LTBP4: variants seen among roughly 807,000 people sequenced by gnomAD.
The protein encoded by LTBP4 is latent transforming growth factor beta binding protein 4, also known as latent-transforming growth factor beta-binding protein 4.
In LTBP4, 93 loss-of-function variants were observed where a neutral mutation model predicts 180.2. That is an observed-to-expected ratio of 0.52 (90% CI 0.44 to 0.61). The LOEUF is 0.61. Ranked by LOEUF, LTBP4 falls within the 20% of genes least tolerant of loss-of-function variation. The pLI is 0.00. For missense variants in LTBP4, 2,116 were observed against 2,256.5 expected (o/e 0.94, Z 1.26); for synonymous variants, 947 against 934.5 (o/e 1.01, Z -0.24).
At chr19:40,600,032 C>T (rs1167618153), upstream of LTBP4, 1 of 1,150,606 alleles carries the variant, frequency 8.7e-7, no homozygotes, top group Middle Eastern at 2.2e-4. This position sits in a 1 kb window ranked among gnomAD's most constrained non-coding sequence, Gnocchi z 4.4. Context: ...TCAGTTTAAC[C>T]CGGTGACAGC....
At chr19:40,623,174 C>CTTT (rs11376199) in intron 24 of LTBP4, among the ~76,000 whole-genome samples, 153 bp downstream of exon 24, 4 of 138,366 alleles carry the variant, frequency 2.9e-5, no homozygotes, top group African/African-American at 5.5e-5. Flanking sequence ...TCTTTTCTTT[C>CTTT]TTTTTTTTTT....
At position 40,625,307 on chromosome 19, in the gene LTBP4, TATATATA is replaced by T. The variant is rs1568414614; in HGVS notation, c.3833-549_3833-543del. ...ATATATATATATATATATATATATA[TATATATA>T]TATTTTTTTTTTTAAAGATGGGTTT... On this transcript the variant is annotated intron_variant, in intron 26 of 29. Coordinates refer to ENST00000396819, the MANE Select transcript of LTBP4 (RefSeq NM_001042545.2). 6.1e-3 allele frequency among the ~76,000 whole-genome samples: 145 copies of T among 23,780 alleles called. 32 individuals carry two copies. The highest frequency in any genetic ancestry group is 7.5e-3 in the Non-Finnish European group (112 of 14,952). 15.6% of individuals were successfully genotyped at this position (23,780 alleles called of 152,430 possible). A position where few individuals can be genotyped will look rare whatever the true frequency, so the allele number is the denominator to read the frequency against.
In LTBP4 at chr19:40,605,700, G is replaced by A. The variant is rs1246968179; in HGVS notation, c.691-29G>A. 6.5e-7 allele frequency: 1 copy of A among 1,547,286 alleles called. No homozygotes were observed. The highest frequency in any genetic ancestry group is 1.4e-5 in the African/African-American group (1 of 73,006). On this transcript the variant is annotated intron_variant, in intron 3 of 29. Coordinates refer to ENST00000396819, the MANE Select transcript of LTBP4 (RefSeq NM_001042545.2). The surrounding 1 kb of genome is among the most constrained non-coding windows in gnomAD (Gnocchi z 5.5). ...GGGCCCGGAGCTTGCCTCCGCGCGG[G>A]GGCGCGCTCACCCAACACTTCCCCG...
Position 40,613,612 on chromosome 19 carries a change from G to T in LTBP4, c.2557+83G>T. 6.5e-7 allele frequency: 1 copy of T among 1,535,014 alleles called. No individual in the cohort carries two copies. The highest frequency in any genetic ancestry group is 8.7e-7 in the Non-Finnish European group (1 of 1,143,774). On this transcript the variant is annotated intron_variant, in intron 17 of 29. Coordinates refer to ENST00000396819, the MANE Select transcript of LTBP4 (RefSeq NM_001042545.2). The surrounding 1 kb of genome is among the most constrained non-coding windows in gnomAD (Gnocchi z 5.0). Reference sequence around the variant, plus strand: ...GGGACGGGGAGAAGAGGGCGAAAAGGGGAAAACGAGTTTTTAGCCGGGGTA... The same window carrying T: ...GGGACGGGGAGAAGAGGGCGAAAAGTGGAAAACGAGTTTTTAGCCGGGGTA...
chr19:40,604,685 T>G (rs549146485), intron 1 of LTBP4, among the ~76,000 whole-genome samples: 11 of 152,268 alleles, frequency 7.2e-5, no homozygotes, highest in Non-Finnish European at 1.0e-4. Context: ...CTCTACCAAA[T>G]TTTTAAAAAA....
chr19:40,601,353 G>A, upstream of LTBP4: 1 of 1,108,460 alleles, frequency 9.0e-7, no homozygotes, highest in African/African-American at 1.7e-5. Flanking sequence ...CGGGCGGGCT[G>A]GGGCGGCGGC....
At chr19:40,623,573 GC>G (rs773915820) in intron 24 of LTBP4, 30 bp from the exon 25 acceptor site, 22 of 1,599,630 alleles carry the variant, frequency 1.4e-5, no homozygotes, top group Non-Finnish European at 1.8e-5. Context: ...CATCCAGCCC[GC>G]CCCCATCTCT....
upstream of LTBP4, chr19:40,597,481 G>A (rs2081397500): frequency 7.8e-7 from 1 of 1,288,010 alleles, no homozygotes; most frequent in African/African-American, 1.6e-5. Flanking sequence ...CCACTGCTTC[G>A]ATGTGGAGAT....
Position 40,605,339 on chromosome 19 carries a change from C to T in LTBP4, c.443-66C>T. 2 of 1,595,532 alleles carry T rather than the reference C, an allele frequency of 1.3e-6. No individual in the cohort carries two copies. The highest frequency in any genetic ancestry group is 2.2e-5 in the East Asian group (1 of 44,490). On this transcript the variant is annotated intron_variant, in intron 2 of 29. Transcript: ENST00000396819. The surrounding 1 kb of genome is among the most constrained non-coding windows in gnomAD (Gnocchi z 5.5). ...ACCTTTGCCCAGCTCGCCCTCCCCG[C>T]CTTGTCTAGCCCCACCCCGTAAGAA...
upstream of LTBP4, among the ~76,000 whole-genome samples, chr19:40,596,749 A>G (rs1455880155): frequency 6.6e-6 from 1 of 151,978 alleles, no homozygotes; most frequent in Admixed American, 6.6e-5. Flanking sequence ...CTCTCGTGGA[A>G]AGGGGTACCC....
upstream of LTBP4, chr19:40,599,576 C>G: frequency 1.3e-6 from 2 of 1,595,910 alleles, no homozygotes; most frequent in Non-Finnish European, 8.5e-7. Flanking sequence ...CAGTCCCTCC[C>G]CTACCAAATC....
chr19:40,610,131 C>A (rs1423881892), intron 11 of LTBP4: 2 of 525,548 alleles, frequency 3.8e-6, no homozygotes, highest in African/African-American at 1.9e-5. Context: ...CCCCCACGCC[C>A]AGGCCCCGCC....
rs377434022 is a variant in LTBP4, at chr19:40,621,003, G to A, written c.3218-1398G>A. 8.4e-4 allele frequency among the ~76,000 whole-genome samples: 128 copies of A among 151,718 alleles called. 1 individual carries two copies. Among genetic ancestry groups the A allele is most frequent in the African/African-American group, 1.3e-3 (55 of 41,376 alleles). On this transcript the variant is annotated intron_variant, in intron 22 of 29. Transcript: ENST00000396819. ...GTTGCCCAGGCTAGAGTGCAGTGGC[G>A]TGATCTCAGCTCACTGTAACCTCCA...
rs1313398672 is a variant in LTBP4, at chr19:40,611,751, G to C, written c.2054-108G>C. On this transcript the variant is annotated intron_variant, in intron 13 of 29. Transcript: ENST00000396819. The surrounding 1 kb of genome is among the most constrained non-coding windows in gnomAD (Gnocchi z 4.4). ...TTCCTGGGAAGAGGGAGCAGCCTGAGGCAAGTCCAGAAGGCAGGCTCAAGA... is the reference window on the plus strand; with the variant it reads ...TTCCTGGGAAGAGGGAGCAGCCTGACGCAAGTCCAGAAGGCAGGCTCAAGA... 6.8e-7 allele frequency: 1 copy of C among 1,468,518 alleles called. No individual in the cohort carries two copies. 91.0% of individuals were successfully genotyped at this position (1,468,518 alleles called of 1,614,324 possible). A position where few individuals can be genotyped will look rare whatever the true frequency, so the allele number is the denominator to read the frequency against.
chr19:40,600,262 G>T (rs1165445418), upstream of LTBP4: 9 of 645,514 alleles, frequency 1.4e-5, no homozygotes, highest in Admixed American at 3.9e-4. The surrounding 1 kb of genome is among the most constrained non-coding windows in gnomAD (Gnocchi z 4.4). Context: ...TCCAGCCGCC[G>T]CCTACCCGCC....
intron 28 of LTBP4, 135 bp from the exon 29 acceptor site, chr19:40,627,570 C>T (rs973961764): frequency 7.6e-7 from 1 of 1,311,906 alleles, no homozygotes; most frequent in African/African-American, 1.5e-5. Flanking sequence ...ACTGGCCCCG[C>T]AGCACCCGCC....
At chr19:40,619,301 G>C (rs757078938) in intron 21 of LTBP4, 46 bp from the exon 22 acceptor site, 1 of 1,588,282 alleles carries the variant, frequency 6.3e-7, no homozygotes, top group South Asian at 1.1e-5. Context: ...AATCATAGAA[G>C]CTTATAACCA....
At chr19:40,623,339 A>AT (rs1284760996) in intron 24 of LTBP4, among the ~76,000 whole-genome samples, 3 of 151,732 alleles carry the variant, frequency 2.0e-5, no homozygotes, top group East Asian at 1.9e-4. Flanking sequence ...CGCCTGGCTA[A>AT]TTTTTTTGTA....
At chr19:40,597,422 C>G, upstream of LTBP4, 4 of 1,459,016 alleles carry the variant, frequency 2.7e-6, no homozygotes, top group Non-Finnish European at 3.6e-6. Context: ...CCCAATAAGT[C>G]TGGTGGTCCA....
Sources: gnomAD v4.1 joint callset for allele counts (sites outside exome capture counted in the v4.1 genomes callset) on GRCh38, gnomAD v4.1.1 for gene constraint, Gnocchi (gnomAD v3.1) non-coding constraint, MANE v1.5 for transcripts, NCBI Gene and HGNC (gene_info 2026-07-23, HGNC 2026-07-21) for gene names.